SUGCT: variants seen among roughly 807,000 people sequenced by gnomAD.
SUGCT encodes the protein succinyl-CoA:glutarate CoA-transferase.
In SUGCT, 41 loss-of-function variants were observed where a neutral mutation model predicts 55.0. The observed-to-expected ratio is 0.74, with a 90% CI of 0.58 to 0.97. SUGCT has a LOEUF of 0.97. SUGCT is among the 50% of genes least tolerant of loss of function. SUGCT has a pLI of 0.00. For synonymous variants in SUGCT, 187 were observed against 200.4 expected (o/e 0.93, Z 0.56); for missense variants, 568 against 547.8 (o/e 1.04, Z -0.37).
At chr7:40,753,593 A>T (rs922713225) in intron 13 of SUGCT, among the ~76,000 whole-genome samples, 2 of 152,168 alleles carry the variant, frequency 1.3e-5, no homozygotes, top group African/African-American at 4.8e-5. Flanking sequence ...TGCAACCAGT[A>T]CTGAATTTTC....
Position 40,684,011 on chromosome 7 carries a change from G to A in SUGCT, c.1090-65423G>A, listed in dbSNP as rs187048193. On this transcript the variant is annotated intron_variant, in intron 12 of 13. Transcript: ENST00000335693. ...TTACTGGCAGAATTCAAATCCTTGT[G>A]GTTGTATGACTGAGGTCTCTGTTTT... 36 of 1,609,284 alleles carry A rather than the reference G, an allele frequency of 2.2e-5. No individual in the cohort carries two copies. The East Asian group carries it at 7.6e-4, about 34-fold the overall frequency.
chr7:40,810,550 C>T (rs897470178), intron 13 of SUGCT, among the ~76,000 whole-genome samples: 1 of 151,958 alleles, frequency 6.6e-6, no homozygotes, highest in Non-Finnish European at 1.5e-5. Flanking sequence ...GTTTGTTGGC[C>T]ACTTGTATGT....
intron 11 of SUGCT, among the ~76,000 whole-genome samples, chr7:40,479,225 A>C (rs1417431023): frequency 6.6e-6 from 1 of 152,182 alleles, no homozygotes; most frequent in East Asian, 1.9e-4. Flanking sequence ...ATACCGGTTC[A>C]TATCTTTTGG....
intron 10 of SUGCT, 64 bp downstream of exon 10, chr7:40,449,422 C>T: frequency 2.3e-6 from 3 of 1,333,022 alleles, no homozygotes; most frequent in Non-Finnish European, 3.2e-6. Flanking sequence ...TTCAGTTTTG[C>T]CCAGGTCACA....
intron 8 of SUGCT, among the ~76,000 whole-genome samples, chr7:40,294,052 A>G (rs1369425713): frequency 6.6e-6 from 1 of 152,028 alleles, no homozygotes; most frequent in East Asian, 1.9e-4. Context: ...GATTCAAGCG[A>G]TTCACCTGCC....
At chr7:40,669,087 G>C (rs1801798290) in intron 12 of SUGCT, among the ~76,000 whole-genome samples, 1 of 152,126 alleles carries the variant, frequency 6.6e-6, no homozygotes. Context: ...ATAGGACAAA[G>C]ATTTTTTGCC....
chr7:40,483,980 G>A (rs1477040920), intron 11 of SUGCT, among the ~76,000 whole-genome samples: 2 of 152,190 alleles, frequency 1.3e-5, no homozygotes, highest in East Asian at 3.9e-4. Context: ...TCTACCCTTA[G>A]GAAATCACTG....
At chr7:40,663,390 G>A (rs888774205) in intron 12 of SUGCT, among the ~76,000 whole-genome samples, 3 of 151,186 alleles carry the variant, frequency 2.0e-5, no homozygotes, top group South Asian at 2.1e-4. Flanking sequence ...TGACATTTTG[G>A]TGTATTTCTT....
intron 4 of SUGCT, 146 bp downstream of exon 4, chr7:40,188,726 AC>A: frequency 1.9e-6 from 1 of 538,520 alleles, no homozygotes; most frequent in Non-Finnish European, 3.2e-6. Flanking sequence ...CTATTCATTT[AC>A]CATTCACTAA....
chr7:40,193,280 GTTTTT>G (rs752659107), intron 5 of SUGCT, among the ~76,000 whole-genome samples: 4 of 87,144 alleles, frequency 4.6e-5, no homozygotes, highest in Non-Finnish European at 6.3e-5. Flanking sequence ...CAATTACTGT[GTTTTT>G]TTTTTTTTTT....
chr7:40,306,244 A>C (rs1360590427), intron 8 of SUGCT, among the ~76,000 whole-genome samples: 1 of 152,188 alleles, frequency 6.6e-6, no homozygotes, highest in Non-Finnish European at 1.5e-5. Flanking sequence ...TTTTCCAAAC[A>C]TGTGACTGTG....
intron 13 of SUGCT, among the ~76,000 whole-genome samples, chr7:40,792,968 G>T (rs1385563155): frequency 2.0e-5 from 3 of 152,082 alleles, no homozygotes. Flanking sequence ...CCAGCTATTT[G>T]TATTATTTAA....
intron 12 of SUGCT, among the ~76,000 whole-genome samples, chr7:40,642,943 C>CA (rs1800334840): frequency 6.6e-6 from 1 of 151,680 alleles, no homozygotes; most frequent in Admixed American, 6.6e-5. Flanking sequence ...CAAGGGGCGG[C>CA]AAAAAAACAA....
the SUGCT span, among the ~76,000 whole-genome samples, chr7:40,866,169 G>A: frequency 6.6e-6 from 1 of 152,118 alleles, no homozygotes; most frequent in East Asian, 1.9e-4. Flanking sequence ...AGAAATTAAT[G>A]TCAAACTGTC....
In SUGCT at chr7:40,835,750, C is replaced by G. The variant is rs971582776; in HGVS notation, c.1154-24566C>G. 3.3e-5 allele frequency among the ~76,000 whole-genome samples: 5 copies of G among 152,236 alleles called. No individual in the cohort carries two copies. In the East Asian group the frequency reaches 9.6e-4, roughly 29 times the overall value. ...TTAGTTTAATGTTAAGCTTCATGAACCCATTATTAAGTCCTCTGGTTCAGG... is the reference window on the plus strand; with the variant it reads ...TTAGTTTAATGTTAAGCTTCATGAAGCCATTATTAAGTCCTCTGGTTCAGG... On this transcript the variant is annotated intron_variant, in intron 13 of 13. Coordinates refer to ENST00000335693, the MANE Select transcript of SUGCT (RefSeq NM_001193313.2).
At chr7:40,770,014 C>T (rs1260450078) in intron 13 of SUGCT, among the ~76,000 whole-genome samples, 1 of 152,114 alleles carries the variant, frequency 6.6e-6, no homozygotes, top group Non-Finnish European at 1.5e-5. Flanking sequence ...GATTTTTATG[C>T]ATTTCTAATT....
chr7:40,788,347 A>T (rs1285545473), intron 13 of SUGCT, among the ~76,000 whole-genome samples: 2 of 152,244 alleles, frequency 1.3e-5, no homozygotes, highest in African/African-American at 4.8e-5. Flanking sequence ...ATCAGTCTTC[A>T]TATCAAGAAA....
At chr7:40,792,901 G>A (rs112780282) in intron 13 of SUGCT, among the ~76,000 whole-genome samples, 20 of 151,984 alleles carry the variant, frequency 1.3e-4, no homozygotes, top group African/African-American at 4.8e-4. Flanking sequence ...GCTTAGGAAG[G>A]CTTTTAAAAG....
the SUGCT span, among the ~76,000 whole-genome samples, chr7:40,963,218 T>G: frequency 6.6e-6 from 1 of 152,050 alleles, no homozygotes; most frequent in African/African-American, 2.4e-5. Context: ...AAGTGAGAGA[T>G]ACTTTTGGTG....
Sources: allele counts gnomAD v4.1 joint callset (sites outside exome capture counted in the v4.1 genomes callset), GRCh38; gene constraint gnomAD v4.1.1; transcripts MANE v1.5; gene names NCBI Gene and HGNC (gene_info 2026-07-23, HGNC 2026-07-21).